The following CLIC5 variants were observed in gnomAD, a reference collection of about 807,000 sequenced individuals.
CLIC5 encodes the protein chloride intracellular channel protein 5.
CLIC5 carries 20 observed loss-of-function variants against 24.7 expected under a neutral mutation model. The observed-to-expected ratio is 0.81, with a 90% confidence interval of 0.57 to 1.18. The LOEUF (loss-of-function observed/expected upper bound fraction) is 1.18. CLIC5 is among the 50% of genes most tolerant of loss of function. CLIC5 has a pLI of 0.00. For missense variants in CLIC5, 341 were observed against 326.1 expected, an observed-to-expected ratio of 1.05 and a Z score of -0.35; for synonymous variants, 159 against 135.6, an observed-to-expected ratio of 1.17 and a Z score of -1.20.
intron 1 of CLIC5, among the ~76,000 whole-genome samples, chr6:45,984,260 G>A (rs1297054048): frequency 6.6e-6 from 1 of 152,224 alleles, no homozygotes; most frequent in Admixed American, 6.5e-5. Context: ...GGGATGTGTA[G>A]AATTAATTCT....
At chr6:46,017,130 G>A (rs1383148196), upstream of CLIC5, among the ~76,000 whole-genome samples, 1 of 152,146 alleles carries the variant, frequency 6.6e-6, no homozygotes, top group Non-Finnish European at 1.5e-5. Flanking sequence ...TTCTAAAGTG[G>A]TTGCACCAAC....
chr6:45,999,906 C>T (rs1421176566), intron 1 of CLIC5, among the ~76,000 whole-genome samples: 2 of 86,296 alleles, frequency 2.3e-5, no homozygotes, highest in African/African-American at 4.8e-5. Context: ...CCACCGCGCC[C>T]GGCTAATTTT....
At chr6:45,944,309 C>A (rs540729390) in intron 3 of CLIC5, among the ~76,000 whole-genome samples, 19 of 152,012 alleles carry the variant, frequency 1.2e-4, no homozygotes, top group African/African-American at 4.6e-4. Context: ...ATTGAAACAG[C>A]AATGCCCATT....
chr6:46,033,619 T>A (rs1249366049), intron 1 of CLIC5, among the ~76,000 whole-genome samples: 1 of 152,192 alleles, frequency 6.6e-6, no homozygotes, highest in Admixed American at 6.5e-5. Flanking sequence ...TGCCAGCCCT[T>A]CCTCATTCTG....
At chr6:46,109,934 C>T in the CLIC5 span, among the ~76,000 whole-genome samples, 1 of 148,708 alleles carries the variant, frequency 6.7e-6, no homozygotes, top group African/African-American at 2.4e-5. Context: ...TTTGGAATAC[C>T]AAATTCTGTG....
chr6:46,109,243 C>G, the CLIC5 span, among the ~76,000 whole-genome samples: 1 of 151,308 alleles, frequency 6.6e-6, no homozygotes, highest in Admixed American at 6.6e-5. Flanking sequence ...AAATTTCCTT[C>G]TTCTTCAAGG....
At chr6:45,932,427 T>C (rs1763773098) in intron 4 of CLIC5, among the ~76,000 whole-genome samples, 1 of 152,232 alleles carries the variant, frequency 6.6e-6, no homozygotes. Flanking sequence ...CTTTCTAATG[T>C]TGAGCTGAAG....
chr6:45,929,626 C>T (rs984251618), intron 4 of CLIC5, among the ~76,000 whole-genome samples: 2 of 152,192 alleles, frequency 1.3e-5, no homozygotes, highest in African/African-American at 2.4e-5. Flanking sequence ...AGTGGTGAGA[C>T]GGTCACATGT....
chr6:45,915,472 T>C (rs1455539161), intron 4 of CLIC5, among the ~76,000 whole-genome samples: 1 of 152,138 alleles, frequency 6.6e-6, no homozygotes, highest in Non-Finnish European at 1.5e-5. Flanking sequence ...ACAGCCCTTT[T>C]TGATGTCACC....
the CLIC5 span, among the ~76,000 whole-genome samples, chr6:46,114,898 G>A: frequency 6.6e-6 from 1 of 152,154 alleles, no homozygotes; most frequent in Non-Finnish European, 1.5e-5. Flanking sequence ...GAGGTCATGG[G>A]TGGCTAGGAG....
the CLIC5 span, among the ~76,000 whole-genome samples, chr6:46,114,000 A>G: frequency 4.5e-3 from 686 of 152,332 alleles, 5 homozygotes; most frequent in African/African-American, 0.016. Context: ...GAAAGATTTC[A>G]GCGAAGAAAC....
intron 1 of CLIC5, chr6:46,079,585 T>C (rs1425133904): frequency 4.2e-5 from 35 of 824,384 alleles, no homozygotes; most frequent in Non-Finnish European, 6.2e-5. Context: ...CTCCTGAATA[T>C]GTATTGAGAT....
chr6:45,903,118 A>G lies in CLIC5; in HGVS notation c.726T>C (p.Ala242=). The part of the protein sequence containing the change: ...AADSEIELAY[A]DVAKRLSRS ...ATCGGCTGAGGCGTTTGGCGACATCAGCGTAGGCCAACTCGATCTCACTGT... is the reference window on the plus strand; with the variant it reads ...ATCGGCTGAGGCGTTTGGCGACATCGGCGTAGGCCAACTCGATCTCACTGT... The change falls in exon 6 of 6, where the codon GCT becomes GCC. Residue 242 remains alanine, a synonymous_variant. Transcript: ENST00000339561. The G allele has an allele frequency of 1.9e-6, 3 of 1,614,204 alleles. No homozygotes were observed. Among genetic ancestry groups the G allele is most frequent in the Non-Finnish European group, 2.5e-6 (3 of 1,180,024 alleles).
At chr6:45,978,724 A>C (rs1361917601) in intron 1 of CLIC5, among the ~76,000 whole-genome samples, 1 of 152,214 alleles carries the variant, frequency 6.6e-6, no homozygotes, top group Admixed American at 6.5e-5. Flanking sequence ...TGGGAGGCTG[A>C]GGCGAGTGGA....
chr6:45,988,362 C>A (rs1288164753), intron 1 of CLIC5, among the ~76,000 whole-genome samples: 1 of 152,136 alleles, frequency 6.6e-6, no homozygotes, highest in East Asian at 1.9e-4. Flanking sequence ...ATGACTCTGC[C>A]AAGTCAGGTT....
chr6:46,116,033 A>C, the CLIC5 span, among the ~76,000 whole-genome samples: 1 of 152,332 alleles, frequency 6.6e-6, no homozygotes, highest in Admixed American at 6.5e-5. Context: ...ATATTGTTAG[A>C]ACATGTGAGA....
chr6:46,001,571 A>C (rs531005537), intron 1 of CLIC5, among the ~76,000 whole-genome samples: 8 of 152,206 alleles, frequency 5.3e-5, no homozygotes, highest in Non-Finnish European at 1.2e-4. Context: ...CCCAGGCTGC[A>C]AGTTCTGCCA....
At chr6:46,085,960 C>G in the CLIC5 span, among the ~76,000 whole-genome samples, 1 of 152,222 alleles carries the variant, frequency 6.6e-6, no homozygotes, top group East Asian at 1.9e-4. Context: ...GGGTGCCCCT[C>G]CCCCAGCCTC....
chr6:46,080,183 C>G, exon 1 of CLIC5: 1 of 1,551,652 alleles, frequency 6.4e-7, no homozygotes, highest in Non-Finnish European at 8.7e-7. Flanking sequence ...GGTCTGGAAC[C>G]TCATACGTCC....
Sources: allele counts gnomAD v4.1 joint callset (sites outside exome capture counted in the v4.1 genomes callset), GRCh38; gene constraint gnomAD v4.1.1; transcripts MANE v1.5; gene names NCBI Gene and HGNC (gene_info 2026-07-23, HGNC 2026-07-21).